NAV2: variants seen among roughly 807,000 people sequenced by gnomAD.
NAV2 encodes helicase, APC down-regulated 1.
In NAV2, 54 loss-of-function variants were observed where a neutral mutation model predicts 223.2. The observed-to-expected ratio is 0.24, with a 90% confidence interval of 0.19 to 0.30. The LOEUF (loss-of-function observed/expected upper bound fraction) is 0.30, where lower values mean the gene tolerates loss of function less well. Ranked by LOEUF, NAV2 falls within the 10% of genes least tolerant of loss-of-function variation. The pLI, the probability that NAV2 is intolerant of heterozygous loss-of-function variation, is 1.00. For synonymous variants in NAV2, 1,279 were observed against 1,239.3 expected, an observed-to-expected ratio of 1.03 and a Z score of -0.67; for missense variants, 2,806 against 3,147.5, an observed-to-expected ratio of 0.89 and a Z score of 2.60.
At chr11:20,106,169 ATATATATGTGTGTG>A (rs1272402279) in intron 35 of NAV2, among the ~76,000 whole-genome samples, 9 of 9,600 alleles carry the variant, frequency 9.4e-4, no homozygotes, top group East Asian at 0.01. Flanking sequence ...ATATATATAT[ATATATATGTGTGTG>A]TATATATATA....
intron 1 of NAV2, among the ~76,000 whole-genome samples, chr11:19,523,214 C>T (rs1450977082): frequency 1.3e-5 from 2 of 152,232 alleles, no homozygotes; most frequent in Non-Finnish European, 2.9e-5. Flanking sequence ...CACGAACTCC[C>T]TTCTCCAGTG....
At chr11:19,927,703 C>T (rs1322790305) in intron 6 of NAV2, among the ~76,000 whole-genome samples, 3 of 150,898 alleles carry the variant, frequency 2.0e-5, no homozygotes, top group Non-Finnish European at 4.4e-5. Context: ...CAAAACAAAA[C>T]AAAACAAAAC....
intron 10 of NAV2, among the ~76,000 whole-genome samples, chr11:19,969,143 T>C (rs181460114): frequency 6.6e-6 from 1 of 152,288 alleles, no homozygotes; most frequent in East Asian, 1.9e-4. Flanking sequence ...AGAAACACAG[T>C]TCTTTTGCTT....
chr11:19,481,234 G>T (rs1371876534), intron 1 of NAV2, among the ~76,000 whole-genome samples: 1 of 152,094 alleles, frequency 6.6e-6, no homozygotes, highest in Non-Finnish European at 1.5e-5. Flanking sequence ...GTGGCTTCTG[G>T]TTGGTAGAAA....
chr11:19,401,162 C>A (rs1014934299), intron 1 of NAV2, among the ~76,000 whole-genome samples: 14 of 152,266 alleles, frequency 9.2e-5, no homozygotes, highest in African/African-American at 3.4e-4. Context: ...AATATTAATT[C>A]TTTCTATTTG....
At chr11:19,659,318 G>T (rs1418567143) in intron 1 of NAV2, among the ~76,000 whole-genome samples, 1 of 152,206 alleles carries the variant, frequency 6.6e-6, no homozygotes, top group African/African-American at 2.4e-5. Context: ...GGCCAGTTCA[G>T]ATGGAGTGTG....
intron 1 of NAV2, among the ~76,000 whole-genome samples, chr11:19,383,548 T>C (rs1341900224): frequency 6.6e-6 from 1 of 152,248 alleles, no homozygotes; most frequent in Non-Finnish European, 1.5e-5. Context: ...TCTGCGTCTC[T>C]ACCACAGTAA....
At chr11:19,802,283 G>GCAT (rs1453068472) in intron 1 of NAV2, among the ~76,000 whole-genome samples, 2 of 152,088 alleles carry the variant, frequency 1.3e-5, no homozygotes, top group East Asian at 3.9e-4. Context: ...AGGGATTCAT[G>GCAT]CATCAAGGAG....
At chr11:19,520,853 T>A (rs893057912) in intron 1 of NAV2, among the ~76,000 whole-genome samples, 1 of 152,018 alleles carries the variant, frequency 6.6e-6, no homozygotes, top group African/African-American at 2.4e-5. Flanking sequence ...GCGTGGGCCT[T>A]GGGAGAGCAG....
At chr11:19,977,798 C>CTTTTTTTTTT (rs1221334182) in intron 10 of NAV2, among the ~76,000 whole-genome samples, 24 of 90,776 alleles carry the variant, frequency 2.6e-4, no homozygotes, top group African/African-American at 3.8e-4. Flanking sequence ...CAACTTTTTT[C>CTTTTTTTTTT]TTTTTTTTTT....
In NAV2 at chr11:19,509,523, A is replaced by G. The variant is rs563317783; in HGVS notation, c.75+158496A>G. Among the ~76,000 whole-genome samples, 7 of 152,346 alleles carry G rather than the reference A, an allele frequency of 4.6e-5. No individual in the cohort carries two copies. The South Asian group carries it at 1.5e-3, about 32-fold the overall frequency. On this transcript the variant is annotated intron_variant, in intron 1 of 37. Coordinates refer to the NAV2 transcript ENST00000360655. ...AAGGGATTAGATGCAAATGCACTGA[A>G]GATTTGGCTGATTTGGGCTTGTATT...
intron 6 of NAV2, among the ~76,000 whole-genome samples, chr11:19,920,432 C>T (rs111339607): frequency 0.016 from 2,360 of 152,214 alleles, 65 homozygotes; most frequent in African/African-American, 0.055. Context: ...GGATTACAGG[C>T]GTGTGCCACC....
intron 1 of NAV2, among the ~76,000 whole-genome samples, chr11:19,600,669 T>C (rs760665463): frequency 6.6e-6 from 1 of 152,210 alleles, no homozygotes; most frequent in African/African-American, 2.4e-5. Flanking sequence ...TCAATTTCTA[T>C]AGCTGCGAAA....
intron 19 of NAV2, chr11:20,056,720 A>G (rs1466759843): frequency 6.1e-6 from 5 of 815,438 alleles, no homozygotes; most frequent in Non-Finnish European, 8.5e-6. Context: ...TCATTAACCA[A>G]TGATAAGAAT....
intron 3 of NAV2, among the ~76,000 whole-genome samples, chr11:19,847,524 G>C (rs1329688194): frequency 6.6e-6 from 1 of 152,168 alleles, no homozygotes; most frequent in Admixed American, 6.5e-5. Flanking sequence ...TTGGGGACCA[G>C]CCAGGCCAGG....
At chr11:19,448,436 T>C (rs1052056331) in intron 1 of NAV2, among the ~76,000 whole-genome samples, 2 of 152,204 alleles carry the variant, frequency 1.3e-5, no homozygotes, top group Non-Finnish European at 2.9e-5. Context: ...ATTGCGTGGA[T>C]TGGAATATAA....
intron 1 of NAV2, among the ~76,000 whole-genome samples, chr11:19,618,438 ACGGATGGG>A (rs2046875548): frequency 7.0e-6 from 1 of 143,506 alleles, no homozygotes; most frequent in African/African-American, 2.7e-5. Flanking sequence ...GGATGGATGG[ACGGATGGG>A]TGGATGGATG....
intron 3 of NAV2, among the ~76,000 whole-genome samples, chr11:19,849,438 A>G (rs563990639): frequency 7.2e-4 from 110 of 152,356 alleles, no homozygotes; most frequent in African/African-American, 2.6e-3. Context: ...AAGCTGAAAC[A>G]GGGGCAGGTG....
At chr11:19,849,341 A>T (rs1225916367) in intron 3 of NAV2, among the ~76,000 whole-genome samples, 1 of 152,210 alleles carries the variant, frequency 6.6e-6, no homozygotes. Context: ...CAGCAGAACC[A>T]GTTAGGTTTA....
Sources: gnomAD v4.1 joint callset for allele counts (sites outside exome capture counted in the v4.1 genomes callset) on GRCh38, gnomAD v4.1.1 for gene constraint, MANE v1.5 for transcripts, NCBI Gene and HGNC (gene_info 2026-07-23, HGNC 2026-07-21) for gene names.